Variants in EXOC6B observed in about 807,000 individuals in gnomAD.
The protein encoded by EXOC6B is exocyst complex component 6B.
Under a neutral mutation model 113.5 loss-of-function variants are expected in EXOC6B, and 54 were observed. The ratio of observed to expected loss-of-function variants is 0.48; its 90% confidence interval spans 0.38 to 0.60. The LOEUF (loss-of-function observed/expected upper bound fraction) is 0.60. Ranked by LOEUF, EXOC6B falls within the 20% of genes least tolerant of loss-of-function variation. The pLI, the probability that EXOC6B is intolerant of heterozygous loss-of-function variation, is 0.00. For synonymous variants in EXOC6B, 357 were observed against 339.0 expected (o/e 1.05, Z -0.58); for missense variants, 797 against 977.5 (o/e 0.82, Z 2.46).
intron 20 of EXOC6B, among the ~76,000 whole-genome samples, chr2:72,283,924 T>G (rs533970089): frequency 6.6e-6 from 1 of 152,112 alleles, no homozygotes; most frequent in Admixed American, 6.6e-5. Context: ...CTGACAAAAC[T>G]CACACAAGAA....
intron 7 of EXOC6B, among the ~76,000 whole-genome samples, chr2:72,569,167 T>G (rs1704374113): frequency 1.3e-5 from 2 of 152,134 alleles, no homozygotes; most frequent in Non-Finnish European, 2.9e-5. Flanking sequence ...GCATATGTCC[T>G]TAATAGGCCA....
intron 17 of EXOC6B, among the ~76,000 whole-genome samples, chr2:72,470,877 T>C (rs976984267): frequency 6.6e-6 from 1 of 152,174 alleles, no homozygotes; most frequent in African/African-American, 2.4e-5. Flanking sequence ...TGTTGGACAT[T>C]TGGGTTGGTT....
chr2:72,589,388 AAATT>A (rs955416828), intron 6 of EXOC6B, among the ~76,000 whole-genome samples: 3 of 152,030 alleles, frequency 2.0e-5, no homozygotes, highest in Non-Finnish European at 4.4e-5. Flanking sequence ...TCAAAGGGAA[AAATT>A]AATTTATTTC....
Position 72,290,991 on chromosome 2 carries a change from A to G in EXOC6B, c.2196+43956T>C, listed in dbSNP as rs114474884. On this transcript the variant is annotated intron_variant, in intron 20 of 21. Coordinates refer to ENST00000272427, the MANE Select transcript of EXOC6B (RefSeq NM_015189.3). ...TTTCTTTAGTTTGCTTCTTTATCAT[A>G]TATCATTAAAGAATGACATTATCTT... Among the ~76,000 whole-genome samples the G allele has an allele frequency of 3.9e-3, 600 of 152,310 alleles. 1 individual carries two copies. The highest frequency in any genetic ancestry group is 0.014 in the African/African-American group (578 of 41,578).
rs1553371308 is a variant in EXOC6B, at chr2:72,307,161, G to GTTTTTTTTTTTTTTTTTTTTTTT, written c.2196+27785_2196+27786insAAAAAAAAAAAAAAAAAAAAAAA. On this transcript the variant is annotated intron_variant, in intron 20 of 21. Coordinates refer to ENST00000272427, the MANE Select transcript of EXOC6B (RefSeq NM_015189.3). Reference sequence around the variant, plus strand: ...TCCATGACTGCAATGGTATAGTCCAGTTTTTTTTTTTTTGAGACGGAGTCT... The same window carrying GTTTTTTTTTTTTTTTTTTTTTTT: ...TCCATGACTGCAATGGTATAGTCCAGTTTTTTTTTTTTTTTTTTTTTTTTTTTTTTTTTTTTGAGACGGAGTCT... Among the ~76,000 whole-genome samples, 199 of 128,440 alleles carry GTTTTTTTTTTTTTTTTTTTTTTT rather than the reference G, an allele frequency of 1.5e-3. 13 individuals carry two copies. Among genetic ancestry groups the GTTTTTTTTTTTTTTTTTTTTTTT allele is most frequent in the African/African-American group, 7.2e-3 (188 of 26,152 alleles). The allele number at this position is 128,440 out of a possible 152,430, so 84.3% of individuals were successfully genotyped here.
At position 72,358,054 on chromosome 2, in the gene EXOC6B, A is replaced by C. The variant is rs200391574; in HGVS notation, c.2122+21675T>G. ...AGGCATCCACTGAGGCTCTTGGAATATATACCGCATAGATAAGGGGTGACT... is the reference window on the plus strand; with the variant it reads ...AGGCATCCACTGAGGCTCTTGGAATCTATACCGCATAGATAAGGGGTGACT... On this transcript the variant is annotated intron_variant, in intron 19 of 21. Coordinates refer to ENST00000272427, the MANE Select transcript of EXOC6B (RefSeq NM_015189.3). Among the ~76,000 whole-genome samples, 15 of 152,326 alleles carry C rather than the reference A, an allele frequency of 9.8e-5. No homozygotes were observed. In the East Asian group the frequency reaches 2.5e-3, roughly 25 times the overall value.
intron 20 of EXOC6B, among the ~76,000 whole-genome samples, chr2:72,273,819 T>C (rs542185245): frequency 7.9e-5 from 12 of 152,204 alleles, no homozygotes; most frequent in Admixed American, 7.2e-4. Flanking sequence ...ATCAATTTAA[T>C]TTGTCTTTCA....
chr2:72,605,830 C>T (rs1670720068), intron 6 of EXOC6B, among the ~76,000 whole-genome samples: 1 of 151,970 alleles, frequency 6.6e-6, no homozygotes, highest in African/African-American at 2.4e-5. Context: ...TAAAACAAAC[C>T]TTCTTTGTAA....
intron 16 of EXOC6B, among the ~76,000 whole-genome samples, chr2:72,484,548 C>T (rs1156356890): frequency 7.6e-6 from 1 of 131,522 alleles, no homozygotes; most frequent in Non-Finnish European, 1.5e-5. Flanking sequence ...GCCTGGGCGA[C>T]AGAGCGAGAC....
chr2:72,540,062 T>A (rs1242584622), intron 8 of EXOC6B, among the ~76,000 whole-genome samples: 1 of 150,900 alleles, frequency 6.6e-6, no homozygotes, highest in East Asian at 2.0e-4. Flanking sequence ...TTTTTGTTCT[T>A]GCGATAGTTT....
chr2:72,609,667 C>T (rs1670955790), intron 6 of EXOC6B, among the ~76,000 whole-genome samples: 2 of 151,604 alleles, frequency 1.3e-5, no homozygotes, highest in South Asian at 4.2e-4. Flanking sequence ...AGGAAAAGAA[C>T]AAAAGATAAA....
chr2:72,743,119 A>C (rs970235486), intron 1 of EXOC6B, among the ~76,000 whole-genome samples: 4 of 152,140 alleles, frequency 2.6e-5, no homozygotes, highest in African/African-American at 9.7e-5. Context: ...TACATTAATA[A>C]GTCCTGACAA....
chr2:72,663,533 G>T (rs566107376), intron 6 of EXOC6B, among the ~76,000 whole-genome samples: 3 of 152,132 alleles, frequency 2.0e-5, no homozygotes, highest in Admixed American at 2.0e-4. Flanking sequence ...GGAGAAATTC[G>T]AAAATATTTT....
At chr2:72,528,179 T>C (rs1251136295) in intron 8 of EXOC6B, among the ~76,000 whole-genome samples, 1 of 152,056 alleles carries the variant, frequency 6.6e-6, no homozygotes, top group East Asian at 1.9e-4. Context: ...GTTTGAAGTT[T>C]GTATAGTTTT....
chr2:72,758,373 A>G (rs1387943884), intron 1 of EXOC6B, among the ~76,000 whole-genome samples: 1 of 151,958 alleles, frequency 6.6e-6, no homozygotes, highest in African/African-American at 2.4e-5. Context: ...TTACTAAATA[A>G]CTTGATTTGT....
At chr2:72,436,370 T>C (rs989456751) in intron 18 of EXOC6B, among the ~76,000 whole-genome samples, 3 of 152,170 alleles carry the variant, frequency 2.0e-5, no homozygotes, top group African/African-American at 7.2e-5. Context: ...CTGATGATTA[T>C]GTGTCTCGGG....
chr2:72,791,237 C>T (rs1254870384), intron 1 of EXOC6B, among the ~76,000 whole-genome samples: 1 of 152,146 alleles, frequency 6.6e-6, no homozygotes, highest in Non-Finnish European at 1.5e-5. Context: ...TACTCCGTAT[C>T]CTACAAATAT....
intron 20 of EXOC6B, among the ~76,000 whole-genome samples, chr2:72,291,023 T>G (rs990174015): frequency 1.3e-5 from 2 of 152,186 alleles, no homozygotes; most frequent in African/African-American, 4.8e-5. Context: ...TCTTTTAAGT[T>G]CCAGAGAGGG....
chr2:72,656,379 G>A (rs1392654040), intron 6 of EXOC6B, among the ~76,000 whole-genome samples: 2 of 151,808 alleles, frequency 1.3e-5, no homozygotes, highest in South Asian at 2.1e-4. Context: ...GAAAATAAAG[G>A]AGAATAACTA....
Sources: allele counts gnomAD v4.1 joint callset (sites outside exome capture counted in the v4.1 genomes callset), GRCh38; gene constraint gnomAD v4.1.1; transcripts MANE v1.5; gene names NCBI Gene and HGNC (gene_info 2026-07-23, HGNC 2026-07-21).